Variants in OSBPL3 observed in about 807,000 individuals in gnomAD.
OSBPL3 encodes oxysterol-binding protein-related protein 3.
A neutral mutation model predicts 120.1 loss-of-function variants in OSBPL3; 65 were observed. The observed-to-expected ratio is 0.54, with a 90% CI of 0.44 to 0.67. OSBPL3 has a LOEUF of 0.67. Among genes scored for constraint, OSBPL3 ranks in the 30% least tolerant of loss-of-function variants. The probability of loss-of-function intolerance (pLI) is 0.00; values close to 1 mark genes in which losing one functional copy is unlikely to be tolerated. For missense variants in OSBPL3, 1,004 were observed against 1,082.1 expected (o/e 0.93, Z 1.01); for synonymous variants, 416 against 402.6 (o/e 1.03, Z -0.40).
intron 1 of OSBPL3, among the ~76,000 whole-genome samples, chr7:24,928,723 G>C (rs907749188): frequency 2.0e-5 from 3 of 152,100 alleles, no homozygotes; most frequent in Non-Finnish European, 2.9e-5. Flanking sequence ...CTACCATCTG[G>C]TTTTACCTGT....
chr7:24,836,393 G>A (rs543485754), intron 14 of OSBPL3, among the ~76,000 whole-genome samples: 8 of 152,174 alleles, frequency 5.3e-5, no homozygotes, highest in Non-Finnish European at 7.3e-5. Flanking sequence ...GCTTTCATGA[G>A]CACTTCTTCT....
intron 1 of OSBPL3, among the ~76,000 whole-genome samples, chr7:24,928,095 C>T (rs906400238): frequency 1.3e-5 from 2 of 152,154 alleles, no homozygotes; most frequent in Non-Finnish European, 2.9e-5. Flanking sequence ...GTGTCTGCTC[C>T]CCCTTCGCCT....
chr7:24,930,645 T>C lies in OSBPL3; in HGVS notation c.-149-38024A>G, dbSNP rs1435800093. Among the ~76,000 whole-genome samples the C allele has an allele frequency of 2.0e-5, 3 of 152,164 alleles. No homozygotes were observed. The highest frequency in any genetic ancestry group is 4.4e-5 in the Non-Finnish European group (3 of 68,036). ...TAAAGCCATCAATTCAGTTGGTCAT[T>C]AACCTTTCCAGGTTAACCTCTTAAA... On this transcript the variant is annotated intron_variant, in intron 1 of 22. Transcript: ENST00000313367. The surrounding 1 kb of genome is among the most constrained non-coding windows in gnomAD (Gnocchi z 4.4).
At chr7:24,810,092 T>C (rs1244043728) in intron 19 of OSBPL3, 141 bp from the exon 20 acceptor site, 3 of 804,994 alleles carry the variant, frequency 3.7e-6, no homozygotes, top group East Asian at 2.5e-5. Context: ...CTGGGTTCCG[T>C]TTTTTTAACC....
In OSBPL3 at chr7:24,980,105, G is replaced by A. The variant is rs1818125201; in HGVS notation, c.-369C>T. ...TGCGCACCGGCCGCGAAGCGCTCAA[G>A]TCCCCTCTCCCGGGCCGGCTGGCGG... On this transcript the variant is annotated 5_prime_UTR_variant, in exon 1 of 23. Coordinates refer to ENST00000313367, the MANE Select transcript of OSBPL3 (RefSeq NM_015550.4). 2.1e-6 allele frequency: 2 copies of A among 963,972 alleles called. No individual in the cohort carries two copies. The highest frequency in any genetic ancestry group is 1.8e-5 in the African/African-American group (1 of 56,876). 59.7% of individuals were successfully genotyped at this position (963,972 alleles called of 1,614,324 possible).
chr7:24,810,285 A>T (rs1793623186), intron 19 of OSBPL3: 1 of 182,004 alleles, frequency 5.5e-6, no homozygotes, highest in South Asian at 1.1e-4. Flanking sequence ...AGCACTTTGG[A>T]GACCAAGGCA....
chr7:24,904,918 G>GGCGTGTGTGT (rs376069147), intron 1 of OSBPL3, among the ~76,000 whole-genome samples: 3 of 132,860 alleles, frequency 2.3e-5, no homozygotes, highest in Non-Finnish European at 4.8e-5. Context: ...ATAATATACA[G>GGCGTGTGTGT]GTGTGTGTGT....
chr7:24,863,549 T>C lies in OSBPL3; in HGVS notation c.724A>G (p.Ser242Gly). Residue 242 changes from serine (S) to glycine (G), a missense_variant, in exon 8 of 23, where the codon AGC becomes GGC. Coordinates refer to ENST00000313367, the MANE Select transcript of OSBPL3 (RefSeq NM_015550.4). This position sits in a 1 kb window ranked among gnomAD's most constrained non-coding sequence, Gnocchi z 5.8. ...TATGTCCGATGCAGGACGTCCATGC[T>C]TTGCAGGAGCTGGCTCATTTCTACC... is the stretch of plus-strand genomic sequence containing the variant. ...YLVEMSQLLQSMDVLHRTYSA... is the reference protein window; with the variant it reads ...YLVEMSQLLQGMDVLHRTYSA... 1 of 1,614,088 alleles carries C rather than the reference T, an allele frequency of 6.2e-7. No homozygotes were observed. Among genetic ancestry groups the C allele is most frequent in the Non-Finnish European group, 8.5e-7 (1 of 1,180,000 alleles).
chr7:24,828,622 GAAAAAAAAAAA>G (rs544011465), intron 16 of OSBPL3, among the ~76,000 whole-genome samples: 27 of 79,864 alleles, frequency 3.4e-4, no homozygotes, highest in South Asian at 8.6e-4. Flanking sequence ...AAAAAAAAAA[GAAAAAAAAAAA>G]AAAGGCATCG....
intron 1 of OSBPL3, among the ~76,000 whole-genome samples, chr7:24,909,855 TGATCTCAGCTCA>T (rs574260218): frequency 0.012 from 1,606 of 136,582 alleles, 14 homozygotes; most frequent in South Asian, 0.023. Context: ...CGCAGTGGCG[TGATCTCAGCTCA>T]GATCTCAGCT....
intron 2 of OSBPL3, among the ~76,000 whole-genome samples, chr7:24,889,003 A>T (rs1310613237): frequency 6.6e-6 from 1 of 152,172 alleles, no homozygotes; most frequent in African/African-American, 2.4e-5. Context: ...TCTCACTCCA[A>T]ATATGGCAAA....
chr7:24,807,556 C>A (rs894002910), intron 20 of OSBPL3, among the ~76,000 whole-genome samples: 1 of 152,006 alleles, frequency 6.6e-6, no homozygotes, highest in African/African-American at 2.4e-5. Flanking sequence ...AGCTCTGGGT[C>A]CATTTTTCCT....
At chr7:24,929,780 G>A (rs932996369) in intron 1 of OSBPL3, among the ~76,000 whole-genome samples, 23 of 152,040 alleles carry the variant, frequency 1.5e-4, no homozygotes, top group Non-Finnish European at 1.3e-4. Context: ...TTTAAAAAAC[G>A]TTTCTGATTC....
intron 2 of OSBPL3, among the ~76,000 whole-genome samples, chr7:24,888,887 G>T (rs760663655): frequency 5.3e-5 from 8 of 152,142 alleles, no homozygotes; most frequent in Non-Finnish European, 7.4e-5. Flanking sequence ...AGGTCACCTG[G>T]CAATACTGGA....
chr7:24,860,668 C>T (rs916376409), intron 10 of OSBPL3, among the ~76,000 whole-genome samples: 3 of 152,156 alleles, frequency 2.0e-5, no homozygotes, highest in African/African-American at 7.2e-5. Context: ...TGGAGTAATA[C>T]ACCTATACTA....
At chr7:24,839,628 A>C (rs899019508) in intron 14 of OSBPL3, among the ~76,000 whole-genome samples, 3 of 152,008 alleles carry the variant, frequency 2.0e-5, no homozygotes, top group Non-Finnish European at 2.9e-5. Flanking sequence ...AATTATAAAA[A>C]CCCCCTGATA....
chr7:24,931,550 G>A (rs67091494), intron 1 of OSBPL3, among the ~76,000 whole-genome samples: 7,275 of 152,208 alleles, frequency 0.048, 372 homozygotes, highest in African/African-American at 0.13. Flanking sequence ...GCAGCCTCTA[G>A]AAGACAGAAA....
intron 7 of OSBPL3, among the ~76,000 whole-genome samples, chr7:24,864,163 A>G (rs938360543): frequency 1.3e-5 from 2 of 152,208 alleles, no homozygotes; most frequent in South Asian, 2.1e-4. Flanking sequence ...CCTCTTGCAC[A>G]TGGACCTGAG....
chr7:24,876,424 T>G (rs939372144), intron 2 of OSBPL3, among the ~76,000 whole-genome samples: 3 of 151,480 alleles, frequency 2.0e-5, no homozygotes, highest in African/African-American at 4.9e-5. Flanking sequence ...TTCTAAGGTT[T>G]TTTTTTTTTC....
Sources: allele counts gnomAD v4.1 joint callset (sites outside exome capture counted in the v4.1 genomes callset), GRCh38; gene constraint gnomAD v4.1.1; non-coding constraint Gnocchi (gnomAD v3.1); transcripts MANE v1.5; gene names NCBI Gene and HGNC (gene_info 2026-07-23, HGNC 2026-07-21).